Variants in XIRP2 observed in about 807,000 individuals in gnomAD.
The protein encoded by XIRP2 is xin actin binding repeat containing 2, also known as xin actin-binding repeat-containing protein 2.
In XIRP2, 236 loss-of-function variants were observed where a neutral mutation model predicts 277.0. That is an observed-to-expected ratio of 0.85 (90% CI 0.77 to 0.95). XIRP2 has a LOEUF of 0.95. Among genes scored for constraint, XIRP2 ranks in the 40% least tolerant of loss-of-function variants. The pLI is 0.00. For synonymous variants in XIRP2, 1,490 were observed against 1,416.5 expected, an observed-to-expected ratio of 1.05 and a Z score of -1.17; for missense variants, 4,640 against 4,157.5, an observed-to-expected ratio of 1.12 and a Z score of -3.19.
At chr2:167,242,155 T>G (rs1695091308) in intron 8 of XIRP2, among the ~76,000 whole-genome samples, 1 of 152,122 alleles carries the variant, frequency 6.6e-6, no homozygotes, top group Non-Finnish European at 1.5e-5. Context: ...ATAATTAACA[T>G]TAAAGTAATT....
intron 3 of XIRP2, among the ~76,000 whole-genome samples, chr2:167,201,865 G>T (rs1039971191): frequency 6.6e-6 from 1 of 151,992 alleles, no homozygotes; most frequent in Non-Finnish European, 1.5e-5. Context: ...ATATATTTAC[G>T]TAAGAGACTG....
intron 5 of XIRP2, among the ~76,000 whole-genome samples, chr2:167,222,101 C>A (rs1694451927): frequency 6.6e-6 from 1 of 152,140 alleles, no homozygotes; most frequent in Non-Finnish European, 1.5e-5. Flanking sequence ...AAGATCCCTT[C>A]TTTTGCTAAT....
At chr2:167,096,393 T>C (rs577381836) in intron 2 of XIRP2, among the ~76,000 whole-genome samples, 1 of 152,168 alleles carries the variant, frequency 6.6e-6, no homozygotes, top group South Asian at 2.1e-4. Context: ...TCAGTGGTGA[T>C]CTCCCCTTTA....
chr2:167,072,577 G>A (rs969023235), intron 2 of XIRP2, among the ~76,000 whole-genome samples: 2 of 151,946 alleles, frequency 1.3e-5, no homozygotes, highest in African/African-American at 2.4e-5. Context: ...TTATATATAC[G>A]TCTATATCCT....
intron 2 of XIRP2, among the ~76,000 whole-genome samples, chr2:167,098,047 A>G (rs764357268): frequency 1.3e-5 from 2 of 151,746 alleles, no homozygotes; most frequent in South Asian, 2.1e-4. Flanking sequence ...CTTCTCGAGG[A>G]GTATCTTTGT....
intron 2 of XIRP2, among the ~76,000 whole-genome samples, chr2:166,937,826 G>C (rs1363860715): frequency 6.6e-6 from 1 of 152,158 alleles, no homozygotes; most frequent in Non-Finnish European, 1.5e-5. Context: ...AGTGTTGGGA[G>C]GGTGTATGTG....
rs890523159 is a variant in XIRP2, at chr2:167,250,768, A to G, written c.9376A>G (p.Ile3126Val). The change falls in exon 9 of 11, where the codon ATA (isoleucine) becomes GTA (valine). Residue 3126 changes from isoleucine (I) to valine (V), a missense_variant. Transcript: ENST00000409195. ...CCCACCGTCACCAACTTTTATCACA[A>G]TAGAATCTACTGCCCGACGAACAGA... ...TRPPSPTFITIESTARRTENP... is the reference protein window; with the variant it reads ...TRPPSPTFITVESTARRTENP... The G allele has an allele frequency of 3.1e-6, 5 of 1,613,510 alleles. No homozygotes were observed. The highest frequency in any genetic ancestry group is 4.2e-6 in the Non-Finnish European group (5 of 1,179,690).
chr2:166,948,373 C>T (rs995517139), intron 2 of XIRP2, among the ~76,000 whole-genome samples: 3 of 151,974 alleles, frequency 2.0e-5, no homozygotes. Flanking sequence ...TAAAACTTCT[C>T]TCTAAAAAAA....
Position 167,244,055 on chromosome 2 carries a change from A to C in XIRP2, c.2663A>C (p.Lys888Thr). 7 of 1,613,946 alleles carry C rather than the reference A, an allele frequency of 4.3e-6. No individual in the cohort carries two copies. Among genetic ancestry groups the C allele is most frequent in the Non-Finnish European group, 5.9e-6 (7 of 1,179,916 alleles). ...GAAACACTTCCAATTGAAGCATTAAAAGACAGTCCTGATATAGGAAAGCTT... is the reference window on the plus strand; with the variant it reads ...GAAACACTTCCAATTGAAGCATTAACAGACAGTCCTGATATAGGAAAGCTT... ...LFETLPIEAL[K>T]DSPDIGKLQK... The change falls in exon 9 of 11, where the codon AAA becomes ACA. Residue 888 changes from lysine (K) to threonine (T), a missense_variant. Physicochemically the swap from Lys to Thr is moderately conservative, Grantham distance 78. Coordinates refer to ENST00000409195, the MANE Select transcript of XIRP2 (RefSeq NM_152381.6).
At chr2:167,017,280 A>G (rs1391027537) in intron 2 of XIRP2, among the ~76,000 whole-genome samples, 1 of 151,932 alleles carries the variant, frequency 6.6e-6, no homozygotes, top group East Asian at 1.9e-4. Flanking sequence ...ACCTTCAATT[A>G]CTGTCACTTG....
intron 2 of XIRP2, among the ~76,000 whole-genome samples, chr2:167,027,108 T>A (rs1022222172): frequency 5.3e-5 from 8 of 152,200 alleles, no homozygotes; most frequent in African/African-American, 1.9e-4. Context: ...TTTTCCATCT[T>A]GGTTCCATTC....
In XIRP2 at chr2:167,031,825, A is replaced by T. The variant is rs138331654; in HGVS notation, c.409-104084A>T. Reference sequence around the variant, plus strand: ...GAGAGGACACAAACAAATGGAAAAAAATTCCATGCTCATAGATAGGAACAA... The same window carrying T: ...GAGAGGACACAAACAAATGGAAAAATATTCCATGCTCATAGATAGGAACAA... On this transcript the variant is annotated intron_variant, in intron 2 of 10. Coordinates refer to ENST00000409195, the MANE Select transcript of XIRP2 (RefSeq NM_152381.6). 6.1e-3 allele frequency among the ~76,000 whole-genome samples: 934 copies of T among 152,088 alleles called. 77 individuals carry two copies. The East Asian group carries it at 0.16, about 26-fold the overall frequency.
intron 2 of XIRP2, among the ~76,000 whole-genome samples, chr2:167,130,624 G>T (rs1388746670): frequency 6.6e-6 from 1 of 151,962 alleles, no homozygotes; most frequent in Non-Finnish European, 1.5e-5. Flanking sequence ...CCAGTCTGCT[G>T]ACCCTTTATC....
At position 167,243,058 on chromosome 2, in the gene XIRP2, G is replaced by T. The variant is rs765754751; in HGVS notation, c.1666G>T (p.Asp556Tyr). Residue 556 changes from aspartate (D) to tyrosine (Y), a missense_variant, in exon 9 of 11, where the codon GAT (aspartate) becomes TAT (tyrosine). Asp to Tyr is a radical substitution (Grantham distance 160). Transcript: ENST00000409195. ...AAACACAAATGACAGTTCTCAAAAA[G>T]ATCTGAACTCAGAAAGAGAATACTT... The part of the protein sequence containing the change: ...FENTNDSSQK[D>Y]LNSEREYLEW... 6.2e-7 allele frequency: 1 copy of T among 1,614,078 alleles called. No individual in the cohort carries two copies. Among genetic ancestry groups the T allele is most frequent in the Non-Finnish European group, 8.5e-7 (1 of 1,179,992 alleles).
chr2:166,967,028 G>C (rs924096187), intron 2 of XIRP2, among the ~76,000 whole-genome samples: 2 of 151,862 alleles, frequency 1.3e-5, no homozygotes, highest in Non-Finnish European at 2.9e-5. Flanking sequence ...TCTAGTCTGT[G>C]TATTACTGTG....
rs1341916739 is a variant in XIRP2 at position 167,247,308 on chromosome 2, C to A, written c.5916C>A (p.Asn1972Lys). Residue 1972 changes from asparagine to lysine, a missense_variant, in exon 9 of 11, where the codon AAC becomes AAA. Physicochemically the swap from Asn to Lys is moderately conservative, Grantham distance 94 (BLOSUM62 0). Transcript: ENST00000409195. ...TTCATCAGGTTGCTGTCCAGAGGAA[C>A]AAAAATAGTCTTCTTCAGCCAAAGC... ...TDIHQVAVQRNKNSLLQPKPG... is the reference protein window; with the variant it reads ...TDIHQVAVQRKKNSLLQPKPG... The A allele has an allele frequency of 6.2e-7, 1 of 1,613,658 alleles. No individual in the cohort carries two copies. Among genetic ancestry groups the A allele is most frequent in the Admixed American group, 1.7e-5 (1 of 59,976 alleles).
chr2:167,038,348 G>A (rs1212679922), intron 2 of XIRP2, among the ~76,000 whole-genome samples: 1 of 151,784 alleles, frequency 6.6e-6, no homozygotes, highest in Non-Finnish European at 1.5e-5. Context: ...AACCAATAAA[G>A]TACATTTGGT....
chr2:167,035,697 A>G (rs1688490289), intron 2 of XIRP2, among the ~76,000 whole-genome samples: 1 of 152,256 alleles, frequency 6.6e-6, no homozygotes, highest in South Asian at 2.1e-4. Context: ...AGCCAGCTGC[A>G]GAAATTTGCA....
chr2:167,097,750 C>T (rs1039674594), intron 2 of XIRP2, among the ~76,000 whole-genome samples: 4 of 152,142 alleles, frequency 2.6e-5, no homozygotes, highest in Non-Finnish European at 4.4e-5. Context: ...CCTGGTATGA[C>T]AAAATCCCTC....
Sources: gnomAD v4.1 joint callset for allele counts (sites outside exome capture counted in the v4.1 genomes callset) on GRCh38, gnomAD v4.1.1 for gene constraint, MANE v1.5 for transcripts, NCBI Gene and HGNC (gene_info 2026-07-23, HGNC 2026-07-21) for gene names.